The following TBC1D12 variants were observed in gnomAD, a reference collection of about 807,000 sequenced individuals.
TBC1D12 encodes the protein TBC1 domain family member 12, also known as TBC1 domain family, member 12.
TBC1D12 carries 56 observed loss-of-function variants against 86.7 expected under a neutral mutation model. That is an observed-to-expected ratio of 0.65 (90% CI 0.52 to 0.81). TBC1D12 has a LOEUF of 0.81. TBC1D12 is among the 30% of genes least tolerant of loss of function. TBC1D12 has a pLI of 0.00. For missense variants in TBC1D12, 1,023 were observed against 1,038.8 expected, an observed-to-expected ratio of 0.98 and a Z score of 0.21; for synonymous variants, 421 against 411.7, an observed-to-expected ratio of 1.02 and a Z score of -0.27.
intron 3 of TBC1D12, among the ~76,000 whole-genome samples, chr10:94,483,855 A>T (rs1248252508): frequency 1.3e-5 from 2 of 152,218 alleles, no homozygotes; most frequent in African/African-American, 4.8e-5. Flanking sequence ...ATCTTTGCCC[A>T]GTCCAGTGTC....
intron 3 of TBC1D12, 121 bp downstream of exon 3, chr10:94,474,904 T>A: frequency 3.3e-6 from 3 of 904,644 alleles, no homozygotes; most frequent in Non-Finnish European, 5.0e-6. Context: ...TTACAAAATT[T>A]AATCCCTGTT....
intron 1 of TBC1D12, among the ~76,000 whole-genome samples, chr10:94,425,177 G>A (rs1013177820): frequency 2.6e-5 from 4 of 152,186 alleles, no homozygotes. Context: ...CATTTCCGGG[G>A]TTAGTAGAGG....
At chr10:94,522,996 G>T (rs1372364374) in intron 11 of TBC1D12, among the ~76,000 whole-genome samples, 1 of 138,200 alleles carries the variant, frequency 7.2e-6, no homozygotes, top group Non-Finnish European at 1.5e-5. Context: ...AGTGAGCCAA[G>T]ATTGCGATAC....
intron 2 of TBC1D12, among the ~76,000 whole-genome samples, chr10:94,443,757 T>G (rs973709030): frequency 2.6e-5 from 4 of 152,314 alleles, no homozygotes; most frequent in African/African-American, 7.2e-5. Flanking sequence ...AACCAGATAC[T>G]GTAAAAAAGT....
At chr10:94,487,222 G>C (rs1438053223) in intron 3 of TBC1D12, among the ~76,000 whole-genome samples, 4 of 147,720 alleles carry the variant, frequency 2.7e-5, no homozygotes, top group African/African-American at 9.9e-5. Flanking sequence ...GTGTTTCTTG[G>C]AGGCATCATA....
chr10:94,506,416 A>C (rs1421826578), intron 6 of TBC1D12, among the ~76,000 whole-genome samples: 2 of 152,230 alleles, frequency 1.3e-5, no homozygotes, highest in Non-Finnish European at 2.9e-5. Flanking sequence ...AATTAATTGA[A>C]GCAAAAAACT....
At chr10:94,495,085 G>C (rs1187590628) in intron 4 of TBC1D12, among the ~76,000 whole-genome samples, 2 of 151,018 alleles carry the variant, frequency 1.3e-5, no homozygotes, top group East Asian at 3.9e-4. Context: ...GTGCAGTGGC[G>C]CAATCTCGGC....
intron 4 of TBC1D12, among the ~76,000 whole-genome samples, chr10:94,494,197 G>C (rs2056284763): frequency 6.6e-6 from 1 of 151,992 alleles, no homozygotes; most frequent in Admixed American, 6.6e-5. Context: ...ATAATATCAG[G>C]ATAATTTAAT....
chr10:94,513,802 G>T (rs1050413424), intron 9 of TBC1D12, among the ~76,000 whole-genome samples: 1 of 151,984 alleles, frequency 6.6e-6, no homozygotes, highest in Non-Finnish European at 1.5e-5. Context: ...CAAGTGACCC[G>T]CCTGCATTGG....
chr10:94,470,407 C>G (rs2055886101), intron 2 of TBC1D12, among the ~76,000 whole-genome samples: 1 of 152,078 alleles, frequency 6.6e-6, no homozygotes, highest in African/African-American at 2.4e-5. Context: ...CTCTGTCACC[C>G]AGGCTGGAGT....
At chr10:94,442,051 T>C (rs2055390075) in intron 2 of TBC1D12, 32 bp downstream of exon 2, 2 of 1,555,574 alleles carry the variant, frequency 1.3e-6, no homozygotes, top group Admixed American at 2.2e-5. Flanking sequence ...TAGTTTACCC[T>C]AGCTTTTCAA....
chr10:94,402,900 G>A lies in TBC1D12; in HGVS notation c.287G>A (p.Gly96Asp). The change falls in exon 1 of 13, where the codon GGC (glycine) becomes GAC (aspartate). Residue 96 changes from glycine (G) to aspartate (D), a missense_variant. By Grantham distance (94) the Gly-to-Asp change is moderately conservative. Coordinates refer to ENST00000225235, the MANE Select transcript of TBC1D12 (RefSeq NM_015188.2). ...CYCPLPAGQA[G>D]APPPSAAPRS... ...TGTCCGCTCCCCGCTGGCCAGGCCG[G>A]CGCCCCGCCGCCCTCGGCAGCCCCA... 3 of 1,488,062 alleles carry A rather than the reference G, an allele frequency of 2.0e-6. No individual in the cohort carries two copies. Among genetic ancestry groups the A allele is most frequent in the Non-Finnish European group, 2.7e-6 (3 of 1,126,534 alleles). 92.2% of individuals were successfully genotyped at this position (1,488,062 alleles called of 1,614,324 possible). A position where few individuals can be genotyped will look rare whatever the true frequency, so the allele number is the denominator to read the frequency against.
chr10:94,410,552 T>C (rs753704610), intron 1 of TBC1D12, among the ~76,000 whole-genome samples: 14 of 152,180 alleles, frequency 9.2e-5, no homozygotes, highest in Non-Finnish European at 2.1e-4. Context: ...CAGTTTTTTT[T>C]TGGTTGTTGT....
chr10:94,531,181 C>G, intron 11 of TBC1D12, 21 bp from the exon 12 acceptor site: 2 of 1,593,224 alleles, frequency 1.3e-6, no homozygotes, highest in Non-Finnish European at 1.7e-6. Context: ...TTTCAGTGAC[C>G]ATTTTTCCCT....
intron 2 of TBC1D12, among the ~76,000 whole-genome samples, chr10:94,468,582 A>G (rs1053564332): frequency 6.6e-6 from 1 of 152,108 alleles, no homozygotes; most frequent in Non-Finnish European, 1.5e-5. Context: ...AGTCTTTTCA[A>G]TATAAGTGCT....
At chr10:94,522,555 A>G (rs959796351) in intron 11 of TBC1D12, 102 bp downstream of exon 11, 1 of 534,258 alleles carries the variant, frequency 1.9e-6, no homozygotes, top group Non-Finnish European at 3.2e-6. Context: ...AGGATTTTAC[A>G]TATAAAGAGC....
At chr10:94,445,234 C>G (rs1000230853) in intron 2 of TBC1D12, among the ~76,000 whole-genome samples, 1 of 151,856 alleles carries the variant, frequency 6.6e-6, no homozygotes, top group Non-Finnish European at 1.5e-5. Flanking sequence ...TAGCACGTGC[C>G]TGTAGTCCCA....
Position 94,444,172 on chromosome 10 carries a change from G to GA in TBC1D12, c.1095+2168dup, listed in dbSNP as rs112158621. Among the ~76,000 whole-genome samples the GA allele has an allele frequency of 3.0e-3, 199 of 66,668 alleles. 1 individual carries two copies. Among genetic ancestry groups the GA allele is most frequent in the East Asian group, 6.5e-3 (15 of 2,300 alleles). The allele number at this position is 66,668 out of a possible 152,430, so 43.7% of individuals were successfully genotyped here. A position where few individuals can be genotyped will look rare whatever the true frequency, so the allele number is the denominator to read the frequency against. The stretch of plus-strand genomic sequence containing the variant: ...GTGACAGAGCAAGACTCCATCTCAA[G>GA]AAAAAAAAAAAAAAAGAATGAAAGA... On this transcript the variant is annotated intron_variant, in intron 2 of 12. Transcript: ENST00000225235.
In TBC1D12 at chr10:94,403,035, T is replaced by A. The variant is rs527322317; in HGVS notation, c.422T>A (p.Leu141Gln). Residue 141 changes from leucine (L) to glutamine (Q), a missense_variant, in exon 1 of 13, where the codon CTG (leucine) becomes CAG (glutamine). Around this residue, in one of 2 missense-constraint regions of TBC1D12, gnomAD observed 628 missense variants for 531.1 expected, o/e 1.18. Coordinates refer to ENST00000225235, the MANE Select transcript of TBC1D12 (RefSeq NM_015188.2). ...EGMTNGDSGF[L>Q]PGRDCRDLEE... ...ATGACCAACGGCGACTCGGGTTTTC[T>A]GCCGGGCCGGGACTGTCGCGATCTG... is the stretch of plus-strand genomic sequence containing the variant. The A allele has an allele frequency of 6.4e-6, 10 of 1,570,146 alleles. No individual in the cohort carries two copies. The African/African-American group carries it at 1.4e-4, about 22-fold the overall frequency.
Sources: allele counts gnomAD v4.1 joint callset (sites outside exome capture counted in the v4.1 genomes callset), GRCh38; gene constraint gnomAD v4.1.1; regional missense constraint gnomAD v4.1.1; transcripts MANE v1.5; gene names NCBI Gene and HGNC (gene_info 2026-07-23, HGNC 2026-07-21).